Variants in REDIC1 observed in about 807,000 individuals in gnomAD.
The protein encoded by REDIC1 is HEI10 Interacting Protein 1.
At chr12:39,756,924 T>C in the REDIC1 span, 2 of 151,604 alleles carry the variant, frequency 1.3e-5, no homozygotes, top group East Asian at 3.9e-4. Context: ...CTACTGTGTA[T>C]GGCTGGGAAC....
At chr12:39,708,218 G>A in the REDIC1 span, among the ~76,000 whole-genome samples, 2 of 151,708 alleles carry the variant, frequency 1.3e-5, no homozygotes, top group Non-Finnish European at 3.0e-5. Flanking sequence ...GAACACTCCA[G>A]TTTTCATGTG....
At chr12:39,710,216 A>G in the REDIC1 span, among the ~76,000 whole-genome samples, 159 of 151,978 alleles carry the variant, frequency 1.0e-3, no homozygotes, top group Admixed American at 5.5e-3. Flanking sequence ...AGGTTTTCGT[A>G]TCGGTATTCA....
At chr12:39,795,148 C>G in the REDIC1 span, among the ~76,000 whole-genome samples, 1 of 152,060 alleles carries the variant, frequency 6.6e-6, no homozygotes, top group African/African-American at 2.4e-5. Flanking sequence ...TTGGAGTACG[C>G]TAAACTTATT....
the REDIC1 span, among the ~76,000 whole-genome samples, chr12:39,689,068 T>C: frequency 7.9e-5 from 12 of 152,218 alleles, no homozygotes; most frequent in African/African-American, 2.9e-4. Context: ...TCCATGTACA[T>C]GTGGCCATAT....
At chr12:39,712,862 TACAC>T in the REDIC1 span, among the ~76,000 whole-genome samples, 1 of 14,010 alleles carries the variant, frequency 7.1e-5, no homozygotes, top group African/African-American at 1.0e-4. Context: ...CATATGTATA[TACAC>T]GTATATACAC....
At chr12:39,853,755 A>G in the REDIC1 span, among the ~76,000 whole-genome samples, 2,054 of 152,248 alleles carry the variant, frequency 0.013, 139 homozygotes, top group Admixed American at 0.098. Flanking sequence ...TTTAAAGAAA[A>G]TAATCCCATA....
At chr12:39,684,882 G>C in the REDIC1 span, 1 of 1,611,500 alleles carries the variant, frequency 6.2e-7, no homozygotes, top group South Asian at 1.1e-5. Flanking sequence ...ATATACCTTC[G>C]GAAGAATTGC....
At chr12:39,809,868 T>C in the REDIC1 span, among the ~76,000 whole-genome samples, 641 of 152,358 alleles carry the variant, frequency 4.2e-3, 3 homozygotes, top group African/African-American at 0.014. Flanking sequence ...TAGTATTCCA[T>C]GGTGTATATA....
chr12:39,668,809 T>C, the REDIC1 span, among the ~76,000 whole-genome samples: 1 of 152,116 alleles, frequency 6.6e-6, no homozygotes, highest in Non-Finnish European at 1.5e-5. Flanking sequence ...TCGTTTGATC[T>C]TCCATCACCA....
chr12:39,650,120 A>C, the REDIC1 span: 1 of 1,105,644 alleles, frequency 9.0e-7, no homozygotes, highest in Non-Finnish European at 1.2e-6. This position sits in a 1 kb window ranked among gnomAD's most constrained non-coding sequence, Gnocchi z 4.3. Context: ...ATTTTGGACT[A>C]TTTTTACAAT....
At chr12:39,821,423 T>TAAA in the REDIC1 span, among the ~76,000 whole-genome samples, 1 of 150,848 alleles carries the variant, frequency 6.6e-6, no homozygotes, top group African/African-American at 2.5e-5. Context: ...AAAAAAAAAT[T>TAAA]TTTTTTTGTG....
the REDIC1 span, among the ~76,000 whole-genome samples, chr12:39,708,743 A>G: frequency 6.6e-6 from 1 of 151,666 alleles, no homozygotes; most frequent in East Asian, 1.9e-4. Flanking sequence ...CCTAATCTTC[A>G]TGTGCCAATA....
At chr12:39,830,283 T>A in the REDIC1 span, 3 of 1,577,310 alleles carry the variant, frequency 1.9e-6, no homozygotes, top group South Asian at 3.5e-5. Flanking sequence ...GTGCTCACCA[T>A]ATACTGGATT....
At chr12:39,735,671 A>T in the REDIC1 span, among the ~76,000 whole-genome samples, 1 of 152,356 alleles carries the variant, frequency 6.6e-6, no homozygotes, top group Non-Finnish European at 1.5e-5. Context: ...AGTAATAAAG[A>T]TTATTTCAAG....
the REDIC1 span, among the ~76,000 whole-genome samples, chr12:39,863,632 T>C: frequency 6.6e-6 from 1 of 152,192 alleles, no homozygotes; most frequent in Non-Finnish European, 1.5e-5. Flanking sequence ...ATAAAGATGC[T>C]ATGGTTAACT....
chr12:39,804,292 T>C, the REDIC1 span, among the ~76,000 whole-genome samples: 1 of 152,180 alleles, frequency 6.6e-6, no homozygotes, highest in African/African-American at 2.4e-5. Context: ...AGGATAAATG[T>C]CATTATAATA....
the REDIC1 span, among the ~76,000 whole-genome samples, chr12:39,904,349 C>T: frequency 6.6e-6 from 1 of 152,062 alleles, no homozygotes; most frequent in African/African-American, 2.4e-5. Flanking sequence ...CCACTCTTGC[C>T]ATTTAGGAAA....
chr12:39,894,563 C>G, the REDIC1 span, among the ~76,000 whole-genome samples: 1 of 152,006 alleles, frequency 6.6e-6, no homozygotes, highest in Non-Finnish European at 1.5e-5. Flanking sequence ...GTGGTTAAAC[C>G]CAGACTAAAA....
At chr12:39,891,391 G>T in the REDIC1 span, among the ~76,000 whole-genome samples, 1 of 151,844 alleles carries the variant, frequency 6.6e-6, no homozygotes, top group African/African-American at 2.4e-5. Flanking sequence ...TCACAGAGGA[G>T]AAAACATTAT....
Sources: gnomAD v4.1 joint callset for allele counts (sites outside exome capture counted in the v4.1 genomes callset) on GRCh38, gnomAD v4.1.1 for gene constraint, Gnocchi (gnomAD v3.1) non-coding constraint, MANE v1.5 for transcripts, NCBI Gene and HGNC (gene_info 2026-07-23, HGNC 2026-07-21) for gene names.